The following TSNARE1 variants were observed in gnomAD, a reference collection of about 807,000 sequenced individuals.
TSNARE1 encodes t-SNARE domain-containing protein 1.
A neutral mutation model predicts 62.0 loss-of-function variants in TSNARE1; 49 were observed. The ratio of observed to expected loss-of-function variants is 0.79; its 90% confidence interval spans 0.63 to 1.00. The LOEUF is 1.00. TSNARE1 is among the 50% of genes least tolerant of loss of function. TSNARE1 has a pLI of 0.00. For missense variants in TSNARE1, 755 were observed against 700.1 expected (o/e 1.08, Z -0.88); for synonymous variants, 328 against 294.4 (o/e 1.11, Z -1.17).
At chr8:142,273,918 G>A (rs1430083134) in intron 12 of TSNARE1, 1 of 985,028 alleles carries the variant, frequency 1.0e-6, no homozygotes, top group Non-Finnish European at 1.2e-6. Flanking sequence ...GTGATGTCCT[G>A]GGCTCGTCTG....
intron 12 of TSNARE1, chr8:142,270,611 G>C: frequency 2.0e-6 from 2 of 985,314 alleles, no homozygotes; most frequent in Non-Finnish European, 2.4e-6. Flanking sequence ...CTCCAAGTGT[G>C]CATGCCCACC....
rs1343956423 is a variant in TSNARE1 at position 142,345,890 on chromosome 8, A to G, written c.91T>C (p.Cys31Arg). ...PSRQGCQPLECARCWTEYGIR... is the reference protein window; with the variant it reads ...PSRQGCQPLERARCWTEYGIR... ...CCATACTCGGTCCAACATCTAGCGCACTCTACGGACAGCAAGGGACAGTCA... is the reference window on the plus strand; with the variant it reads ...CCATACTCGGTCCAACATCTAGCGCGCTCTACGGACAGCAAGGGACAGTCA... The change falls in exon 3 of 14, where the codon TGC becomes CGC. Residue 31 changes from cysteine to arginine, a missense_variant and splice_region_variant. Physicochemically the swap from Cys to Arg is radical, Grantham distance 180. Transcript: ENST00000524325. The G allele has an allele frequency of 3.7e-6, 6 of 1,612,464 alleles. No individual in the cohort carries two copies. The highest frequency in any genetic ancestry group is 1.1e-5 in the South Asian group (1 of 90,870).
intron 12 of TSNARE1, among the ~76,000 whole-genome samples, chr8:142,244,821 GGGGAGCAGA>G (rs1817818393): frequency 6.6e-6 from 1 of 152,208 alleles, no homozygotes; most frequent in Admixed American, 6.5e-5. Context: ...GCCACTCGCA[GGGGAGCAGA>G]GGGAGCAGGG....
intron 1 of TSNARE1, among the ~76,000 whole-genome samples, chr8:142,381,341 C>A (rs1317592221): frequency 1.3e-5 from 2 of 152,232 alleles, no homozygotes; most frequent in Non-Finnish European, 2.9e-5. Flanking sequence ...AATGGCTAAA[C>A]CCCACGGCCG....
chr8:142,221,534 A>C (rs998679656), intron 13 of TSNARE1, among the ~76,000 whole-genome samples: 1 of 152,222 alleles, frequency 6.6e-6, no homozygotes, highest in African/African-American at 2.4e-5. Flanking sequence ...TGGATACTGT[A>C]ATTTTCTATT....
chr8:142,345,775 C>T lies in TSNARE1; in HGVS notation c.206G>A (p.Gly69Asp). The change falls in exon 3 of 14, where the codon GGC becomes GAC. Residue 69 changes from glycine (G) to aspartate (D), a missense_variant. Coordinates refer to ENST00000524325, the MANE Select transcript of TSNARE1 (RefSeq NM_145003.5). ...KDGEGDLGPA[G>D]TPIVPRARKR... ...CCTGGCCCTTGGGACAATAGGCGTGCCTGCTGGCCCCAGATCACCTTCCCC... is the reference window on the plus strand; with the variant it reads ...CCTGGCCCTTGGGACAATAGGCGTGTCTGCTGGCCCCAGATCACCTTCCCC... 6.2e-7 allele frequency: 1 copy of T among 1,613,268 alleles called. No homozygotes were observed. The highest frequency in any genetic ancestry group is 8.5e-7 in the Non-Finnish European group (1 of 1,179,526).
intron 1 of TSNARE1, among the ~76,000 whole-genome samples, chr8:142,361,446 G>A (rs112402491): frequency 6.6e-6 from 1 of 152,200 alleles, no homozygotes. Context: ...CGGCAGCAGA[G>A]GCAATGGCAA....
intron 12 of TSNARE1, among the ~76,000 whole-genome samples, chr8:142,267,239 T>C (rs989344229): frequency 1.3e-5 from 2 of 151,980 alleles, no homozygotes; most frequent in African/African-American, 4.8e-5. Context: ...CAAAAGATTC[T>C]TCTTATTTTG....
chr8:142,264,614 T>A (rs1367398358), intron 12 of TSNARE1, among the ~76,000 whole-genome samples: 1 of 152,374 alleles, frequency 6.6e-6, no homozygotes, highest in African/African-American at 2.4e-5. Flanking sequence ...TTAGGATTTT[T>A]CATCCTCCCG....
At chr8:142,278,221 G>C (rs1268596706) in intron 11 of TSNARE1, 3 of 985,318 alleles carry the variant, frequency 3.0e-6, no homozygotes, top group African/African-American at 1.7e-5. Context: ...GGTTGGCTGG[G>C]TCTACATGCG....
chr8:142,300,780 G>GGCGACGATCTGGGTCTGAT, intron 9 of TSNARE1, 136 bp from the exon 10 acceptor site: 1 of 1,147,462 alleles, frequency 8.7e-7, no homozygotes, highest in Non-Finnish European at 1.2e-6. Flanking sequence ...CTGGGTCTGA[G>GGCGACGATCTGGGTCTGAT]GCGGGGGCCT....
At chr8:142,251,464 C>G (rs979471585) in intron 12 of TSNARE1, among the ~76,000 whole-genome samples, 1 of 152,170 alleles carries the variant, frequency 6.6e-6, no homozygotes, top group Non-Finnish European at 1.5e-5. Flanking sequence ...CTCCCATAAG[C>G]AGTGGGCCCA....
intron 1 of TSNARE1, among the ~76,000 whole-genome samples, chr8:142,384,979 TCAA>T (rs1409158549): frequency 4.0e-5 from 6 of 151,140 alleles, no homozygotes; most frequent in African/African-American, 9.8e-5. Flanking sequence ...TTCCTACAAC[TCAA>T]CAACAACAAA....
intron 13 of TSNARE1, among the ~76,000 whole-genome samples, chr8:142,226,772 A>G (rs1343610106): frequency 1.3e-5 from 2 of 152,118 alleles, no homozygotes; most frequent in African/African-American, 4.8e-5. Context: ...ATAAGGAAGC[A>G]GCAGGGGTCA....
chr8:142,298,460 C>T (rs1290828237), intron 10 of TSNARE1, among the ~76,000 whole-genome samples: 1 of 152,096 alleles, frequency 6.6e-6, no homozygotes, highest in Admixed American at 6.5e-5. Context: ...ACTCCCAGGC[C>T]AGGACAGTGA....
At chr8:142,345,995 T>C in intron 2 of TSNARE1, 103 bp from the exon 3 acceptor site, 1 of 1,400,176 alleles carries the variant, frequency 7.1e-7, no homozygotes, top group Non-Finnish European at 9.8e-7. Flanking sequence ...CCCGAGATGC[T>C]CCACTCAGGG....
At chr8:142,358,721 C>T (rs960198863) in intron 1 of TSNARE1, among the ~76,000 whole-genome samples, 1 of 151,450 alleles carries the variant, frequency 6.6e-6, no homozygotes, top group Non-Finnish European at 1.5e-5. Flanking sequence ...TGCCTATTCA[C>T]GGCCCCGCCC....
chr8:142,394,934 T>A (rs868182215), intron 1 of TSNARE1, among the ~76,000 whole-genome samples: 2 of 152,040 alleles, frequency 1.3e-5, no homozygotes, highest in South Asian at 2.1e-4. Flanking sequence ...CAAGTCTCCA[T>A]AAGGAGAGAT....
At chr8:142,239,476 T>C (rs993633708) in intron 12 of TSNARE1, among the ~76,000 whole-genome samples, 3 of 152,224 alleles carry the variant, frequency 2.0e-5, no homozygotes, top group African/African-American at 4.8e-5. Flanking sequence ...AACCTGAGAC[T>C]TCATTTCAGT....
Sources: allele counts gnomAD v4.1 joint callset (sites outside exome capture counted in the v4.1 genomes callset), GRCh38; gene constraint gnomAD v4.1.1; transcripts MANE v1.5; gene names NCBI Gene and HGNC (gene_info 2026-07-23, HGNC 2026-07-21).